Variants in PTPN4 observed in about 807,000 individuals in gnomAD.
The protein encoded by PTPN4 is tyrosine-protein phosphatase non-receptor type 4.
In PTPN4, 49 loss-of-function variants were observed where a neutral mutation model predicts 135.5. The observed-to-expected ratio is 0.36, with a 90% CI of 0.29 to 0.46. The LOEUF (loss-of-function observed/expected upper bound fraction) is 0.46, where lower values mean the gene tolerates loss of function less well. Among genes scored for constraint, PTPN4 ranks in the 20% least tolerant of loss-of-function variants. The pLI, the probability that PTPN4 is intolerant of heterozygous loss-of-function variation, is 1.00. For synonymous variants in PTPN4, 333 were observed against 369.9 expected, an observed-to-expected ratio of 0.90 and a Z score of 1.14; for missense variants, 860 against 1,101.0, an observed-to-expected ratio of 0.78 and a Z score of 3.10.
In PTPN4 at chr2:119,882,517, T is replaced by C. The variant is rs1214438608; in HGVS notation, c.481T>C (p.Tyr161His). ...TTCATTATTAGCTGAACTTGGAGAC[T>C]ACGATCAGTCAGAGAACTTGTCAGG... is the stretch of plus-strand genomic sequence containing the variant. The part of the protein sequence containing the change: ...SFAVQSELGD[Y>H]DQSENLSGYL... Residue 161 changes from tyrosine (Y) to histidine (H), a missense_variant, in exon 8 of 27, where the codon TAC becomes CAC. By Grantham distance (83) the Tyr-to-His change is moderately conservative (BLOSUM62 2). This residue lies in a region of PTPN4 where 684 missense variants were observed against 807.0 expected (regional missense o/e 0.85). Coordinates refer to ENST00000263708, the MANE Select transcript of PTPN4 (RefSeq NM_002830.4). 1.3e-6 allele frequency: 2 copies of C among 1,533,062 alleles called. No individual in the cohort carries two copies. The highest frequency in any genetic ancestry group is 8.8e-7 in the Non-Finnish European group (1 of 1,134,928). The allele number at this position is 1,533,062 out of a possible 1,614,324, so 95.0% of individuals were successfully genotyped here.
At position 119,935,048 on chromosome 2, in the gene PTPN4, A is replaced by G. The variant is rs1425763247; in HGVS notation, c.1355+90A>G. 2.2e-6 allele frequency: 3 copies of G among 1,382,130 alleles called. No individual in the cohort carries two copies. In the South Asian group the frequency reaches 4.1e-5, roughly 19 times the overall value. The allele number at this position is 1,382,130 out of a possible 1,614,324, so 85.6% of individuals were successfully genotyped here. On this transcript the variant is annotated intron_variant, in intron 15 of 26. Coordinates refer to ENST00000263708, the MANE Select transcript of PTPN4 (RefSeq NM_002830.4). ...AATCTGGGAAATTAGGATATTCGAT[A>G]CAAGATTTTAATTATGCAACTTTTC... is the stretch of plus-strand genomic sequence containing the variant.
intron 2 of PTPN4, among the ~76,000 whole-genome samples, chr2:119,842,091 T>C (rs1677390008): frequency 6.6e-6 from 1 of 152,216 alleles, no homozygotes; most frequent in Non-Finnish European, 1.5e-5. Context: ...CTCACGTAGA[T>C]TTTAATCTGT....
At chr2:119,976,861 T>G in intron 26 of PTPN4, 123 bp from the exon 27 acceptor site, 5 of 1,463,884 alleles carry the variant, frequency 3.4e-6, no homozygotes, top group Non-Finnish European at 4.5e-6. Context: ...GGTATCTTTA[T>G]GCAGTTTTGT....
In PTPN4 at chr2:119,852,938, A is replaced by G. The variant is rs557300948; in HGVS notation, c.139-9598A>G. Reference sequence around the variant, plus strand: ...GTTGTTTAATTTCCAAATTTTTCCTATCTTTCTCTCACTGTGTTCTATTTT... The same window carrying G: ...GTTGTTTAATTTCCAAATTTTTCCTGTCTTTCTCTCACTGTGTTCTATTTT... On this transcript the variant is annotated intron_variant, in intron 2 of 26. Transcript: ENST00000263708. Among the ~76,000 whole-genome samples, 6 of 151,986 alleles carry G rather than the reference A, an allele frequency of 3.9e-5. No individual in the cohort carries two copies. In the East Asian group the frequency reaches 7.7e-4, roughly 20 times the overall value.
chr2:119,813,252 C>CT (rs566056174), intron 2 of PTPN4, among the ~76,000 whole-genome samples: 633 of 143,916 alleles, frequency 4.4e-3, no homozygotes, highest in Middle Eastern at 0.022. Context: ...TTCTTTCTTT[C>CT]TTTTTTTTTT....
At chr2:119,836,167 C>G (rs774289024) in intron 2 of PTPN4, among the ~76,000 whole-genome samples, 2 of 152,064 alleles carry the variant, frequency 1.3e-5, no homozygotes, top group Non-Finnish European at 2.9e-5. Context: ...AGTGAAGATA[C>G]GCATACATGC....
At chr2:119,813,187 G>A (rs1255422081) in intron 2 of PTPN4, among the ~76,000 whole-genome samples, 3 of 151,994 alleles carry the variant, frequency 2.0e-5, no homozygotes, top group Non-Finnish European at 2.9e-5. Flanking sequence ...TGAGGCTGAG[G>A]CACCTATATA....
chr2:119,794,487 A>C (rs1305820470), intron 1 of PTPN4, among the ~76,000 whole-genome samples: 1 of 152,164 alleles, frequency 6.6e-6, no homozygotes, highest in Non-Finnish European at 1.5e-5. Context: ...ATGCAGCTCC[A>C]GGTGTCGGCA....
In PTPN4 at chr2:119,896,707, T is replaced by C. The variant is rs185283951; in HGVS notation, c.676-4011T>C. On this transcript the variant is annotated intron_variant, in intron 9 of 26. Coordinates refer to ENST00000263708, the MANE Select transcript of PTPN4 (RefSeq NM_002830.4). ...TTATAAAGGGTCGTTTTCTTTCTTTTACTATTCAGTTACCCAGTGGTATAG... is the reference window on the plus strand; with the variant it reads ...TTATAAAGGGTCGTTTTCTTTCTTTCACTATTCAGTTACCCAGTGGTATAG... Among the ~76,000 whole-genome samples, 12 of 152,346 alleles carry C rather than the reference T, an allele frequency of 7.9e-5. No individual in the cohort carries two copies. The East Asian group carries it at 2.3e-3, about 29-fold the overall frequency.
chr2:119,896,689 G>A (rs1206141257), intron 9 of PTPN4, among the ~76,000 whole-genome samples: 1 of 152,086 alleles, frequency 6.6e-6, no homozygotes, highest in Non-Finnish European at 1.5e-5. Flanking sequence ...ATTTTATAAA[G>A]GGTCGTTTTC....
At chr2:119,906,733 G>A (rs1232023171) in intron 10 of PTPN4, among the ~76,000 whole-genome samples, 2 of 152,324 alleles carry the variant, frequency 1.3e-5, no homozygotes, top group Admixed American at 6.5e-5. Flanking sequence ...AAAGCTGAAA[G>A]CTTTTCTTCT....
chr2:119,784,696 A>ATTTT (rs58879330), intron 1 of PTPN4, among the ~76,000 whole-genome samples: 65 of 110,080 alleles, frequency 5.9e-4, no homozygotes, highest in Middle Eastern at 4.8e-3. Context: ...TGCCCAGCTA[A>ATTTT]TTTTTTTTTT....
intron 1 of PTPN4, among the ~76,000 whole-genome samples, chr2:119,789,201 G>A (rs1691096617): frequency 6.6e-6 from 1 of 151,546 alleles, no homozygotes; most frequent in African/African-American, 2.4e-5. Flanking sequence ...ATCTTTTCAT[G>A]TGTATATTGG....
intron 9 of PTPN4, among the ~76,000 whole-genome samples, chr2:119,896,683 T>C (rs1678328623): frequency 6.6e-6 from 1 of 152,220 alleles, no homozygotes; most frequent in African/African-American, 2.4e-5. Context: ...GGAATGATTT[T>C]ATAAAGGGTC....
At chr2:119,928,433 A>G (rs1338269109) in intron 13 of PTPN4, among the ~76,000 whole-genome samples, 1 of 152,166 alleles carries the variant, frequency 6.6e-6, no homozygotes, top group Non-Finnish European at 1.5e-5. Context: ...AGAGCCATAA[A>G]TGGTAAGTTA....
intron 2 of PTPN4, among the ~76,000 whole-genome samples, chr2:119,832,828 A>G (rs1356460348): frequency 6.6e-6 from 1 of 151,940 alleles, no homozygotes; most frequent in East Asian, 1.9e-4. Flanking sequence ...ATTTGCCTTT[A>G]TACATTCTTT....
At chr2:119,785,724 C>T (rs1024903264) in intron 1 of PTPN4, among the ~76,000 whole-genome samples, 3 of 151,222 alleles carry the variant, frequency 2.0e-5, no homozygotes, top group Non-Finnish European at 2.9e-5. Context: ...AAAATTTTGC[C>T]GTGTTTGCTT....
At chr2:119,863,861 A>G (rs371290930) in intron 3 of PTPN4, among the ~76,000 whole-genome samples, 55 of 152,318 alleles carry the variant, frequency 3.6e-4, no homozygotes, top group African/African-American at 1.3e-3. Context: ...GCCTAGAGTT[A>G]TACTGTTGTT....
chr2:119,808,042 C>T (rs1056101011), intron 1 of PTPN4, among the ~76,000 whole-genome samples: 1 of 152,190 alleles, frequency 6.6e-6, no homozygotes, highest in Admixed American at 6.5e-5. Flanking sequence ...ATGCTAAAAA[C>T]TTTCAATAAA....
Sources: allele counts gnomAD v4.1 joint callset (sites outside exome capture counted in the v4.1 genomes callset), GRCh38; gene constraint gnomAD v4.1.1; regional missense constraint gnomAD v4.1.1; transcripts MANE v1.5; gene names NCBI Gene and HGNC (gene_info 2026-07-23, HGNC 2026-07-21).